Variants in DNAH9 observed in about 807,000 individuals in gnomAD.
DNAH9 encodes DNAH9 variant protein.
Under a neutral mutation model 471.6 loss-of-function variants are expected in DNAH9, and 345 were observed. The observed-to-expected ratio is 0.73, with a 90% CI of 0.67 to 0.80. The LOEUF (loss-of-function observed/expected upper bound fraction) is 0.80, where lower values mean the gene tolerates loss of function less well. Ranked by LOEUF, DNAH9 falls within the 30% of genes least tolerant of loss-of-function variation. The pLI is 0.00. For synonymous variants in DNAH9, 2,093 were observed against 2,123.6 expected, an observed-to-expected ratio of 0.99 and a Z score of 0.40; for missense variants, 5,407 against 5,609.2, an observed-to-expected ratio of 0.96 and a Z score of 1.15.
intron 36 of DNAH9, among the ~76,000 whole-genome samples, chr17:11,766,701 A>C (rs1967951447): frequency 6.6e-6 from 1 of 152,214 alleles, no homozygotes; most frequent in African/African-American, 2.4e-5. Flanking sequence ...GCGGTGGCTC[A>C]CGCCTGTAAT....
At chr17:11,765,958 C>G (rs1967918984) in intron 36 of DNAH9, among the ~76,000 whole-genome samples, 6 of 152,120 alleles carry the variant, frequency 3.9e-5, no homozygotes, top group Admixed American at 3.9e-4. Flanking sequence ...ATCAATTTTT[C>G]TAACTCTGGG....
At chr17:11,816,489 C>T (rs917078694) in intron 45 of DNAH9, among the ~76,000 whole-genome samples, 1 of 152,192 alleles carries the variant, frequency 6.6e-6, no homozygotes, top group Non-Finnish European at 1.5e-5. Context: ...AGTTTTCCAG[C>T]AGTGAAGACA....
At chr17:11,766,840 G>C (rs963452475) in intron 36 of DNAH9, among the ~76,000 whole-genome samples, 2 of 152,000 alleles carry the variant, frequency 1.3e-5, no homozygotes, top group South Asian at 4.2e-4. Flanking sequence ...CATGGTGGCG[G>C]GTGCCTGTAA....
At chr17:11,889,320 C>T (rs1376074997) in intron 57 of DNAH9, among the ~76,000 whole-genome samples, 1 of 152,236 alleles carries the variant, frequency 6.6e-6, no homozygotes, top group Non-Finnish European at 1.5e-5. Flanking sequence ...GTCCTGTTTT[C>T]TTTGGTCCTT....
Position 11,942,417 on chromosome 17 carries a change from T to A in DNAH9, c.12775T>A (p.Cys4259Ser). 1 of 1,614,088 alleles carries A rather than the reference T, an allele frequency of 6.2e-7. No homozygotes were observed. Among genetic ancestry groups the A allele is most frequent in the Non-Finnish European group, 8.5e-7 (1 of 1,180,010 alleles). ...TTACATTGTAGTTGCCTTCCAGGAG[T>A]GTGGCCGGATGAATATCCTCACCAG... is the stretch of plus-strand genomic sequence containing the variant. ...TPYIVVAFQECGRMNILTREI... is the reference protein window; with the variant it reads ...TPYIVVAFQESGRMNILTREI... The change falls in exon 67 of 69, where the codon TGT becomes AGT. Residue 4259 changes from cysteine to serine, a missense_variant. By Grantham distance (112) the Cys-to-Ser change is moderately radical. This residue lies in a region of DNAH9 where 4,636 missense variants were observed against 4,900.3 expected (regional missense o/e 0.95). Coordinates refer to ENST00000262442, the MANE Select transcript of DNAH9 (RefSeq NM_001372.4).
At chr17:11,929,058 G>A (rs929571629) in intron 62 of DNAH9, among the ~76,000 whole-genome samples, 10 of 143,870 alleles carry the variant, frequency 7.0e-5, no homozygotes, top group African/African-American at 1.3e-4. Context: ...TATTTGAGAC[G>A]GAGTCTCACT....
intron 62 of DNAH9, among the ~76,000 whole-genome samples, chr17:11,928,004 G>T (rs1375982934): frequency 6.6e-6 from 1 of 152,118 alleles, no homozygotes; most frequent in Admixed American, 6.6e-5. Context: ...CAATTGATTT[G>T]ATTATAAGTA....
intron 14 of DNAH9, among the ~76,000 whole-genome samples, chr17:11,663,018 G>C (rs977548041): frequency 2.0e-5 from 3 of 151,760 alleles, no homozygotes; most frequent in African/African-American, 7.3e-5. Context: ...GCCTCCCAAA[G>C]TGCTGGGATT....
At chr17:11,916,981 C>A (rs756635646) in intron 61 of DNAH9, among the ~76,000 whole-genome samples, 4 of 152,064 alleles carry the variant, frequency 2.6e-5, no homozygotes, top group Non-Finnish European at 4.4e-5. Flanking sequence ...TTTGTAGGCA[C>A]TTTTGTGGCA....
At chr17:11,881,487 G>C (rs989803198) in intron 55 of DNAH9, 74 bp downstream of exon 55, 6 of 1,468,718 alleles carry the variant, frequency 4.1e-6, no homozygotes, top group East Asian at 2.4e-5. Flanking sequence ...GGTTGCAGAG[G>C]GGGGCTGTTT....
intron 31 of DNAH9, 26 bp from the exon 32 acceptor site, chr17:11,747,530 T>G (rs1319883847): frequency 1.2e-6 from 2 of 1,604,512 alleles, no homozygotes; most frequent in Non-Finnish European, 1.7e-6. Context: ...GGCTGGTCCC[T>G]CTGGCTGAAT....
At chr17:11,834,980 A>G (rs910911772) in intron 49 of DNAH9, 82 bp downstream of exon 49, 1 of 1,525,512 alleles carries the variant, frequency 6.6e-7, no homozygotes, top group Non-Finnish European at 8.8e-7. Context: ...CAAGAGATGC[A>G]AGGACAATGT....
chr17:11,768,579 T>C lies in DNAH9; in HGVS notation c.7297T>C (p.Ser2433Pro). ...DPETKKFEPW[S>P]KLVPQFEFDP... ...AGAGACCAAGAAATTCGAGCCTTGGTCCAAGCTCGTCCCCCAGTTCGAATT... is the reference window on the plus strand; with the variant it reads ...AGAGACCAAGAAATTCGAGCCTTGGCCCAAGCTCGTCCCCCAGTTCGAATT... Residue 2433 changes from serine (S) to proline (P), a missense_variant, in exon 37 of 69, where the codon TCC becomes CCC. Physicochemically the swap from Ser to Pro is moderately conservative, Grantham distance 74. Transcript: ENST00000262442. 1 of 1,614,108 alleles carries C rather than the reference T, an allele frequency of 6.2e-7. No homozygotes were observed. Among genetic ancestry groups the C allele is most frequent in the Non-Finnish European group, 8.5e-7 (1 of 1,180,004 alleles).
intron 66 of DNAH9, among the ~76,000 whole-genome samples, chr17:11,939,819 G>C (rs1199880870): frequency 6.6e-6 from 1 of 151,270 alleles, no homozygotes; most frequent in Non-Finnish European, 1.5e-5. Context: ...TGGATGGATG[G>C]ATGGATGGAT....
chr17:11,707,218 G>A (rs545508151), intron 26 of DNAH9, among the ~76,000 whole-genome samples: 1 of 152,250 alleles, frequency 6.6e-6, no homozygotes, highest in Non-Finnish European at 1.5e-5. Flanking sequence ...TGAATAACTG[G>A]TTCACTGAGA....
intron 4 of DNAH9, among the ~76,000 whole-genome samples, chr17:11,615,606 G>A (rs1187081855): frequency 6.6e-6 from 1 of 151,484 alleles, no homozygotes; most frequent in Non-Finnish European, 1.5e-5. Flanking sequence ...AAAAAAAAAA[G>A]GTATGAGCCC....
At chr17:11,896,130 C>T (rs2151007780) in intron 59 of DNAH9, among the ~76,000 whole-genome samples, 1 of 152,332 alleles carries the variant, frequency 6.6e-6, no homozygotes, top group Non-Finnish European at 1.5e-5. Context: ...TGTCTCTCTG[C>T]TTCTTATAAG....
At chr17:11,645,875 T>A (rs1409813941) in intron 11 of DNAH9, among the ~76,000 whole-genome samples, 3 of 79,000 alleles carry the variant, frequency 3.8e-5, no homozygotes, top group African/African-American at 9.9e-5. Context: ...CTCTTTTTCT[T>A]TTTCTTTTTT....
At chr17:11,946,768 C>T (rs1203807218) in intron 67 of DNAH9, among the ~76,000 whole-genome samples, 7 of 151,598 alleles carry the variant, frequency 4.6e-5, no homozygotes, top group East Asian at 3.9e-4. Flanking sequence ...GCTTGCAAGC[C>T]GAAAAATAAA....
Sources: gnomAD v4.1 joint callset for allele counts (sites outside exome capture counted in the v4.1 genomes callset) on GRCh38, gnomAD v4.1.1 for gene constraint, gnomAD v4.1.1 regional missense constraint, MANE v1.5 for transcripts, NCBI Gene and HGNC (gene_info 2026-07-23, HGNC 2026-07-21) for gene names.